Variants in PRKCE observed in about 807,000 individuals in gnomAD.
PRKCE encodes the protein protein kinase C epsilon.
PRKCE carries 16 observed loss-of-function variants against 85.4 expected under a neutral mutation model. That is an observed-to-expected ratio of 0.19 (90% CI 0.13 to 0.28). The LOEUF (loss-of-function observed/expected upper bound fraction) is 0.28. Ranked by LOEUF, PRKCE falls within the 10% of genes least tolerant of loss-of-function variation. The pLI, the probability that PRKCE is intolerant of heterozygous loss-of-function variation, is 1.00. For synonymous variants in PRKCE, 388 were observed against 371.5 expected (o/e 1.04, Z -0.51); for missense variants, 573 against 975.2 (o/e 0.59, Z 5.49).
rs181820410 is a variant in PRKCE, at chr2:45,670,608, A to G, written c.348+18160A>G. On this transcript the variant is annotated intron_variant, in intron 1 of 14. Transcript: ENST00000306156. ...GCCCCAGAACACAGTTTCTCATTCAATCTAATTTTAATGAGTACCAGTAAC... is the reference window on the plus strand; with the variant it reads ...GCCCCAGAACACAGTTTCTCATTCAGTCTAATTTTAATGAGTACCAGTAAC... 7.7e-4 allele frequency among the ~76,000 whole-genome samples: 117 copies of G among 152,326 alleles called. 1 individual carries two copies. The highest frequency in any genetic ancestry group is 2.1e-3 in the African/African-American group (88 of 41,574).
chr2:45,806,390 CATTTGTTTAATTA>C (rs1688245979), intron 1 of PRKCE, among the ~76,000 whole-genome samples: 4 of 152,202 alleles, frequency 2.6e-5, no homozygotes. Flanking sequence ...TTCATTTATT[CATTTGTTTAATTA>C]GTTTGTTTAT....
intron 11 of PRKCE, among the ~76,000 whole-genome samples, chr2:46,104,238 A>G (rs1433412044): frequency 1.3e-5 from 2 of 148,810 alleles, no homozygotes; most frequent in Admixed American, 1.3e-4. Flanking sequence ...TTCTGATGTG[A>G]TGTCTATTAG....
At chr2:45,798,539 C>T (rs1687613108) in intron 1 of PRKCE, among the ~76,000 whole-genome samples, 1 of 152,194 alleles carries the variant, frequency 6.6e-6, no homozygotes, top group Admixed American at 6.5e-5. Context: ...GTGTTCCAGC[C>T]TCCCAGCTTG....
chr2:45,710,530 T>C (rs894270463), intron 1 of PRKCE, among the ~76,000 whole-genome samples: 2 of 152,220 alleles, frequency 1.3e-5, no homozygotes, highest in Non-Finnish European at 1.5e-5. Context: ...TCTGTATATT[T>C]TCCTGCATGT....
chr2:46,163,365 T>C (rs1379113911), intron 14 of PRKCE, among the ~76,000 whole-genome samples: 1 of 132,828 alleles, frequency 7.5e-6, no homozygotes, highest in African/African-American at 2.9e-5. Context: ...GAAGTTGAGC[T>C]TCATCCCCAC....
intron 1 of PRKCE, among the ~76,000 whole-genome samples, chr2:45,674,529 C>T (rs1279700180): frequency 6.6e-6 from 1 of 152,120 alleles, no homozygotes; most frequent in African/African-American, 2.4e-5. Flanking sequence ...TAAGTCAGGG[C>T]CCAACTCACT....
At position 45,851,205 on chromosome 2, in the gene PRKCE, G is replaced by T. The variant is rs74568497; in HGVS notation, c.412+8142G>T. ...TCCTTGGTTGAGGAAATAGTGCCACGGCCCACTGAAGATTCATTTGAACAG... is the reference window on the plus strand; with the variant it reads ...TCCTTGGTTGAGGAAATAGTGCCACTGCCCACTGAAGATTCATTTGAACAG... On this transcript the variant is annotated intron_variant, in intron 2 of 14. Coordinates refer to ENST00000306156, the MANE Select transcript of PRKCE (RefSeq NM_005400.3). 7.8e-3 allele frequency among the ~76,000 whole-genome samples: 1,192 copies of T among 152,308 alleles called. 22 individuals are homozygous for T. Among genetic ancestry groups the T allele is most frequent in the African/African-American group, 0.027 (1,131 of 41,566 alleles).
At chr2:45,783,238 T>C (rs927259917) in intron 1 of PRKCE, among the ~76,000 whole-genome samples, 9 of 152,308 alleles carry the variant, frequency 5.9e-5, no homozygotes, top group Admixed American at 5.9e-4. Context: ...CTTTGTTCCC[T>C]GGTTGCAGAG....
intron 11 of PRKCE, among the ~76,000 whole-genome samples, chr2:46,110,938 C>A (rs1023449915): frequency 1.3e-5 from 2 of 152,048 alleles, no homozygotes; most frequent in Non-Finnish European, 2.9e-5. Context: ...CTTGAGAGTT[C>A]TTCTTTGACC....
At position 46,092,553 on chromosome 2, in the gene PRKCE, T is replaced by G. The variant is rs115017889; in HGVS notation, c.1592+6191T>G. Among the ~76,000 whole-genome samples, 1,128 of 152,274 alleles carry G rather than the reference T, an allele frequency of 7.4e-3. 14 individuals are homozygous for G. The highest frequency in any genetic ancestry group is 0.025 in the African/African-American group (1,058 of 41,548). The stretch of plus-strand genomic sequence containing the variant: ...ACCATGATGTTTATAAAAAGTCAGA[T>G]AAGAATCAAGAGCAAGGAACAAAAA... On this transcript the variant is annotated intron_variant, in intron 11 of 14. Coordinates refer to ENST00000306156, the MANE Select transcript of PRKCE (RefSeq NM_005400.3).
intron 2 of PRKCE, among the ~76,000 whole-genome samples, chr2:45,940,904 CA>C (rs11291175): frequency 0.81 from 118,570 of 146,074 alleles, 48,148 homozygotes; most frequent in South Asian, 0.95. Flanking sequence ...ATTAAAAATA[CA>C]AAAAAAAAAA....
chr2:45,764,654 A>G (rs1287566948), intron 1 of PRKCE, among the ~76,000 whole-genome samples: 1 of 152,174 alleles, frequency 6.6e-6, no homozygotes, highest in Non-Finnish European at 1.5e-5. Flanking sequence ...CATTTCTTTT[A>G]TATCATAAAT....
intron 2 of PRKCE, among the ~76,000 whole-genome samples, chr2:45,959,886 G>A (rs1194011504): frequency 2.6e-5 from 4 of 152,110 alleles, no homozygotes; most frequent in African/African-American, 9.7e-5. Context: ...TTGTCTCTAT[G>A]AGTTTTAATT....
At chr2:45,757,869 A>T (rs1684138398) in intron 1 of PRKCE, among the ~76,000 whole-genome samples, 1 of 152,178 alleles carries the variant, frequency 6.6e-6, no homozygotes, top group African/African-American at 2.4e-5. Flanking sequence ...AATGTACATA[A>T]GGCAGGTCTT....
chr2:45,836,385 T>C (rs562861387), intron 1 of PRKCE, among the ~76,000 whole-genome samples: 1 of 152,354 alleles, frequency 6.6e-6, no homozygotes. Flanking sequence ...ACACTACCAA[T>C]AGAGCAAGTA....
intron 11 of PRKCE, among the ~76,000 whole-genome samples, chr2:46,092,179 G>A (rs986789653): frequency 1.3e-5 from 2 of 152,220 alleles, no homozygotes; most frequent in African/African-American, 4.8e-5. Flanking sequence ...CTGGAAGTCA[G>A]ACTGTGATAG....
At chr2:45,961,243 C>T (rs556048989) in intron 2 of PRKCE, among the ~76,000 whole-genome samples, 6 of 152,168 alleles carry the variant, frequency 3.9e-5, no homozygotes, top group African/African-American at 1.2e-4. Context: ...CTTTCCCCCC[C>T]CGATTTGGTT....
chr2:45,806,770 C>A (rs1309308482), intron 1 of PRKCE, among the ~76,000 whole-genome samples: 1 of 152,092 alleles, frequency 6.6e-6, no homozygotes, highest in Admixed American at 6.6e-5. Flanking sequence ...TGAGGGAGGA[C>A]CCCGGGGTGG....
chr2:45,874,535 A>G (rs2197830), intron 2 of PRKCE, among the ~76,000 whole-genome samples: 102,670 of 152,102 alleles, frequency 0.68, 35,141 homozygotes, highest in East Asian at 0.97. Context: ...GCCTTCCCAG[A>G]CTCCCTGCCT....
Sources: gnomAD v4.1 joint callset for allele counts (sites outside exome capture counted in the v4.1 genomes callset) on GRCh38, gnomAD v4.1.1 for gene constraint, MANE v1.5 for transcripts, NCBI Gene and HGNC (gene_info 2026-07-23, HGNC 2026-07-21) for gene names.